Variants in PHTF1 observed in about 807,000 individuals in gnomAD.
The protein encoded by PHTF1 is protein PHTF1.
A neutral mutation model predicts 102.4 loss-of-function variants in PHTF1; 88 were observed. That is an observed-to-expected ratio of 0.86 (90% confidence interval 0.72 to 1.03). The LOEUF (loss-of-function observed/expected upper bound fraction) is 1.03. Ranked by LOEUF, PHTF1 falls within the 50% of genes least tolerant of loss-of-function variation. The pLI, the probability that PHTF1 is intolerant of heterozygous loss-of-function variation, is 0.00. For synonymous variants in PHTF1, 289 were observed against 305.2 expected (o/e 0.95, Z 0.55); for missense variants, 814 against 909.5 (o/e 0.89, Z 1.35).
At chr1:113,701,693 G>C (rs1338605492) in intron 15 of PHTF1, among the ~76,000 whole-genome samples, 1 of 151,750 alleles carries the variant, frequency 6.6e-6, no homozygotes, top group Non-Finnish European at 1.5e-5. Context: ...CACTGAGTTT[G>C]ACTCATATTA....
In PHTF1 at chr1:113,726,510, C is replaced by T; in HGVS notation, c.396G>A (p.Leu132=). The part of the protein sequence containing the change: ...IVNISEVLGP[L]CLMLLMGTVH... ...CAGTTCCCATGAGTAGCATAAGGCA[C>T]AAGGGTCCAAGTACTTCACTTATGT... Residue 132 remains leucine, a synonymous_variant, in exon 6 of 19, where the codon TTG becomes TTA. Coordinates refer to ENST00000369604, the MANE Select transcript of PHTF1 (RefSeq NM_001323043.2). The T allele has an allele frequency of 6.2e-7, 1 of 1,608,834 alleles. No individual in the cohort carries two copies. Among genetic ancestry groups the T allele is most frequent in the South Asian group, 1.1e-5 (1 of 90,692 alleles).
chr1:113,749,321 G>A (rs1349984820), intron 3 of PHTF1, among the ~76,000 whole-genome samples: 1 of 152,134 alleles, frequency 6.6e-6, no homozygotes, highest in Non-Finnish European at 1.5e-5. Flanking sequence ...AGTGTGCAAT[G>A]CGTGAAGCAT....
chr1:113,755,799 G>A (rs987801491), intron 3 of PHTF1, among the ~76,000 whole-genome samples: 2 of 152,048 alleles, frequency 1.3e-5, no homozygotes, highest in African/African-American at 4.8e-5. Context: ...CATGCCTCAT[G>A]CCTATAATCC....
intron 15 of PHTF1, among the ~76,000 whole-genome samples, chr1:113,702,856 T>C (rs1649605046): frequency 6.6e-6 from 1 of 152,084 alleles, no homozygotes; most frequent in South Asian, 2.1e-4. Flanking sequence ...TTTTGTAGGG[T>C]CATGAAAGGC....
chr1:113,738,788 G>GT lies in PHTF1; in HGVS notation c.113dup (p.Asn38LysfsTer15), dbSNP rs1354251801. On this transcript the variant is annotated frameshift_variant, in exon 4 of 19. Coordinates refer to ENST00000369604, the MANE Select transcript of PHTF1 (RefSeq NM_001323043.2). LOFTEE classifies it high-confidence loss of function. Reference sequence around the variant, plus strand: ...TTATGTGGCCCATCTTTTTCGGTTTGTTTTTCAAACCCTAGGATAAAACAA... The same window carrying GT: ...TTATGTGGCCCATCTTTTTCGGTTTGTTTTTTCAAACCCTAGGATAAAACAA... 1.3e-6 allele frequency: 2 copies of GT among 1,598,698 alleles called. No individual in the cohort carries two copies. Among genetic ancestry groups the GT allele is most frequent in the African/African-American group, 2.7e-5 (2 of 74,336 alleles).
intron 5 of PHTF1, among the ~76,000 whole-genome samples, chr1:113,730,144 C>T (rs1281217383): frequency 2.0e-5 from 3 of 152,006 alleles, no homozygotes; most frequent in Non-Finnish European, 2.9e-5. Flanking sequence ...ATCCTGGGGA[C>T]CCCCAAACTG....
chr1:113,722,295 C>T (rs993535196), intron 7 of PHTF1, among the ~76,000 whole-genome samples: 4 of 151,380 alleles, frequency 2.6e-5, no homozygotes, highest in African/African-American at 7.3e-5. Context: ...AAAAATTAGC[C>T]GGGCACGGTG....
chr1:113,748,765 G>T (rs1657586554), intron 3 of PHTF1, among the ~76,000 whole-genome samples: 1 of 151,698 alleles, frequency 6.6e-6, no homozygotes, highest in South Asian at 2.1e-4. Context: ...TGAACTCCTG[G>T]GCTCAAGCGA....
intron 6 of PHTF1, among the ~76,000 whole-genome samples, chr1:113,725,117 A>G (rs1260361516): frequency 1.3e-5 from 2 of 152,230 alleles, no homozygotes; most frequent in Non-Finnish European, 2.9e-5. Context: ...TTAAAGAAAT[A>G]GAACCGCTAT....
Position 113,759,055 on chromosome 1 carries a change from G to T in PHTF1, c.-63C>A, listed in dbSNP as rs976647755. ...CCGTTGCCCCGCGGGCCGGCGCCCG[G>T]GACCTCCGTCCTCAGTGCCCGGGGT... On this transcript the variant is annotated 5_prime_UTR_variant, in exon 1 of 19. Transcript: ENST00000369604. The T allele has an allele frequency of 9.9e-7, 1 of 1,007,030 alleles. No individual in the cohort carries two copies. Among genetic ancestry groups the T allele is most frequent in the South Asian group, 4.4e-5 (1 of 22,516 alleles). The allele number at this position is 1,007,030 out of a possible 1,614,324, so 62.4% of individuals were successfully genotyped here.
chr1:113,722,648 C>G (rs1227889457), intron 7 of PHTF1, among the ~76,000 whole-genome samples: 1 of 151,550 alleles, frequency 6.6e-6, no homozygotes, highest in African/African-American at 2.4e-5. Context: ...CATGGTGGCT[C>G]ACACCTGTAA....
intron 5 of PHTF1, among the ~76,000 whole-genome samples, chr1:113,727,234 A>G (rs1653983092): frequency 6.6e-6 from 1 of 152,210 alleles, no homozygotes; most frequent in Non-Finnish European, 1.5e-5. Flanking sequence ...TCCATGCCCT[A>G]ATAAAATCCC....
chr1:113,698,858 A>G (rs1489293064), intron 17 of PHTF1: 1 of 161,454 alleles, frequency 6.2e-6, no homozygotes, highest in Non-Finnish European at 1.3e-5. Context: ...AACTCACTTT[A>G]TTTTTCTGGT....
At chr1:113,749,634 G>A (rs1657724044) in intron 3 of PHTF1, 1 of 152,168 alleles carries the variant, frequency 6.6e-6, no homozygotes, top group African/African-American at 2.4e-5. Flanking sequence ...CATGGAATAA[G>A]GAAGATCTGG....
At position 113,757,686 on chromosome 1, in the gene PHTF1, G is replaced by T. The variant is rs749565413; in HGVS notation, c.102+13C>A. ...GCAGTGAAACATAGGCGGAATCAAA[G>T]AAATCAATTTACCTTAATCTGAGTC... On this transcript the variant is annotated intron_variant, in intron 3 of 18. Coordinates refer to ENST00000369604, the MANE Select transcript of PHTF1 (RefSeq NM_001323043.2). The T allele has an allele frequency of 1.3e-6, 2 of 1,571,598 alleles. No individual in the cohort carries two copies. The highest frequency in any genetic ancestry group is 1.7e-5 in the Admixed American group (1 of 59,938).
At position 113,757,096 on chromosome 1, in the gene PHTF1, G is replaced by C. The variant is rs139812527; in HGVS notation, c.102+603C>G. ...GCAGGAAAATGGCGTGAACCCAGGAGGCGGAGCTTGCAGTGGGCCAAGATC... is the reference window on the plus strand; with the variant it reads ...GCAGGAAAATGGCGTGAACCCAGGACGCGGAGCTTGCAGTGGGCCAAGATC... On this transcript the variant is annotated intron_variant, in intron 3 of 18. Coordinates refer to ENST00000369604, the MANE Select transcript of PHTF1 (RefSeq NM_001323043.2). Among the ~76,000 whole-genome samples the C allele has an allele frequency of 5.1e-3, 781 of 152,266 alleles. 4 individuals carry two copies. Among genetic ancestry groups the C allele is most frequent in the African/African-American group, 0.018 (754 of 41,538 alleles).
intron 3 of PHTF1, among the ~76,000 whole-genome samples, chr1:113,755,372 T>C (rs1658698702): frequency 6.6e-6 from 1 of 152,188 alleles, no homozygotes; most frequent in South Asian, 2.1e-4. Context: ...CACATCTATC[T>C]TTTTCACTGT....
At chr1:113,737,278 G>A (rs2101590945) in intron 5 of PHTF1, among the ~76,000 whole-genome samples, 1 of 152,264 alleles carries the variant, frequency 6.6e-6, no homozygotes, top group South Asian at 2.1e-4. Context: ...TACACACACA[G>A]GCACATGTGT....
At chr1:113,705,675 C>A in intron 13 of PHTF1, 1 of 496,750 alleles carries the variant, frequency 2.0e-6, no homozygotes, top group Non-Finnish European at 3.6e-6. Context: ...GCCACTTATT[C>A]TACACATGAG....
Sources: allele counts gnomAD v4.1 joint callset (sites outside exome capture counted in the v4.1 genomes callset), GRCh38; gene constraint gnomAD v4.1.1; transcripts MANE v1.5; gene names NCBI Gene and HGNC (gene_info 2026-07-23, HGNC 2026-07-21).